FSTL4: variants seen among roughly 807,000 people sequenced by gnomAD.
FSTL4 encodes follistatin-related protein 4.
FSTL4 carries 28 observed loss-of-function variants against 78.2 expected under a neutral mutation model. That is an observed-to-expected ratio of 0.36 (90% confidence interval 0.27 to 0.49). The LOEUF (loss-of-function observed/expected upper bound fraction) is 0.49. FSTL4 is among the 20% of genes least tolerant of loss of function. The pLI is 0.98. For missense variants in FSTL4, 922 were observed against 1,084.9 expected, an observed-to-expected ratio of 0.85 and a Z score of 2.11; for synonymous variants, 422 against 440.5, an observed-to-expected ratio of 0.96 and a Z score of 0.53.
At chr5:133,357,753 C>G (rs1164817009) in intron 4 of FSTL4, among the ~76,000 whole-genome samples, 1 of 152,112 alleles carries the variant, frequency 6.6e-6, no homozygotes. Context: ...CTAGCACCCC[C>G]CACACCCCCT....
At chr5:133,787,810 C>A in the FSTL4 span, among the ~76,000 whole-genome samples, 1 of 152,128 alleles carries the variant, frequency 6.6e-6, no homozygotes, top group Admixed American at 6.5e-5. Context: ...CTGTCCTCCC[C>A]AGACCCTGCC....
chr5:133,642,426 A>G, the FSTL4 span, among the ~76,000 whole-genome samples: 1 of 152,060 alleles, frequency 6.6e-6, no homozygotes, highest in African/African-American at 2.4e-5. Context: ...TGTCCCTCCA[A>G]CACTTCTGTG....
chr5:133,568,693 G>A (rs538412207), intron 2 of FSTL4, among the ~76,000 whole-genome samples: 67 of 152,272 alleles, frequency 4.4e-4, no homozygotes, highest in Non-Finnish European at 7.2e-4. Context: ...GCCACAGAGC[G>A]TATTTTGCAC....
intron 3 of FSTL4, among the ~76,000 whole-genome samples, chr5:133,462,962 G>A (rs528155218): frequency 6.2e-4 from 94 of 152,330 alleles, no homozygotes; most frequent in African/African-American, 2.2e-3. Context: ...TGTGCTCCTG[G>A]AGTTCGCAAG....
chr5:133,240,188 A>G (rs992048879), intron 7 of FSTL4, among the ~76,000 whole-genome samples: 1 of 152,198 alleles, frequency 6.6e-6, no homozygotes, highest in African/African-American at 2.4e-5. Flanking sequence ...TCCGAGCATC[A>G]GAAGGAACAA....
chr5:133,827,541 CTT>C, the FSTL4 span, among the ~76,000 whole-genome samples: 2 of 152,052 alleles, frequency 1.3e-5, no homozygotes, highest in Non-Finnish European at 2.9e-5. Context: ...CAAATACTCT[CTT>C]ATATATCAGC....
chr5:133,405,939 G>C (rs1413378724), intron 3 of FSTL4, among the ~76,000 whole-genome samples: 1 of 152,232 alleles, frequency 6.6e-6, no homozygotes, highest in Non-Finnish European at 1.5e-5. Context: ...CTGAGCACCT[G>C]CTATGTGCCA....
At chr5:133,287,260 C>A (rs190128178) in intron 6 of FSTL4, among the ~76,000 whole-genome samples, 1 of 151,844 alleles carries the variant, frequency 6.6e-6, no homozygotes, top group Non-Finnish European at 1.5e-5. Flanking sequence ...TGGTGGCGGG[C>A]GCCTGTAGTC....
In FSTL4 at chr5:133,338,919, A is replaced by T. The variant is rs1298747388; in HGVS notation, c.410-22267T>A. Among the ~76,000 whole-genome samples, 1 of 152,040 alleles carries T rather than the reference A, an allele frequency of 6.6e-6. No homozygotes were observed. Among genetic ancestry groups the T allele is most frequent in the Non-Finnish European group, 1.5e-5 (1 of 67,996 alleles). On this transcript the variant is annotated intron_variant, in intron 4 of 15. Transcript: ENST00000265342. This position sits in a 1 kb window ranked among gnomAD's most constrained non-coding sequence, Gnocchi z 4.0. The stretch of plus-strand genomic sequence containing the variant: ...CACCTCTGCTGTAGTTCAGGAAGCC[A>T]TTAACACCCCCGGATGACCACTATG...
intron 3 of FSTL4, among the ~76,000 whole-genome samples, chr5:133,424,008 C>A (rs986376620): frequency 6.6e-6 from 1 of 152,158 alleles, no homozygotes; most frequent in East Asian, 1.9e-4. Context: ...GCTGTGTGCA[C>A]GAGGGCAAAG....
chr5:133,523,962 G>A (rs1759037000), intron 3 of FSTL4, among the ~76,000 whole-genome samples: 3 of 152,234 alleles, frequency 2.0e-5, no homozygotes, highest in Admixed American at 2.0e-4. Flanking sequence ...AGTCACAGGT[G>A]GGCAGGGAAG....
At chr5:133,392,382 G>A (rs570727271) in intron 4 of FSTL4, among the ~76,000 whole-genome samples, 2 of 152,278 alleles carry the variant, frequency 1.3e-5, no homozygotes, top group South Asian at 2.1e-4. Flanking sequence ...AGAGTCAGAG[G>A]GATGGGGGCT....
intron 4 of FSTL4, among the ~76,000 whole-genome samples, chr5:133,385,059 G>C (rs572238933): frequency 3.2e-4 from 48 of 152,170 alleles, no homozygotes; most frequent in Non-Finnish European, 6.0e-4. Flanking sequence ...CCGTTGTCGC[G>C]CTCCCCACCC....
the FSTL4 span, among the ~76,000 whole-genome samples, chr5:133,793,372 T>C: frequency 4.6e-5 from 7 of 152,270 alleles, no homozygotes; most frequent in East Asian, 7.7e-4. Context: ...CAAAGCACCA[T>C]GTGAGCAATG....
chr5:133,778,118 T>C, the FSTL4 span, among the ~76,000 whole-genome samples: 1 of 152,208 alleles, frequency 6.6e-6, no homozygotes, highest in African/African-American at 2.4e-5. Flanking sequence ...GGGTCACTGA[T>C]GTGCTGCCTA....
intron 3 of FSTL4, among the ~76,000 whole-genome samples, chr5:133,527,499 A>C (rs696818): frequency 0.25 from 20,960 of 83,144 alleles, 1,880 homozygotes; most frequent in African/African-American, 0.33. Context: ...ACACACACAC[A>C]CACCCATAAG....
the FSTL4 span, among the ~76,000 whole-genome samples, chr5:133,812,802 C>T: frequency 6.6e-6 from 1 of 152,244 alleles, no homozygotes; most frequent in Non-Finnish European, 1.5e-5. Flanking sequence ...TCGTCCACCA[C>T]TGCATCCCAG....
At chr5:133,502,545 G>C (rs1758521222) in intron 3 of FSTL4, among the ~76,000 whole-genome samples, 1 of 152,172 alleles carries the variant, frequency 6.6e-6, no homozygotes, top group Non-Finnish European at 1.5e-5. Context: ...GATCATGGGG[G>C]CAGAGTTCTC....
chr5:133,674,585 ATGTGTGTGTG>A, the FSTL4 span, among the ~76,000 whole-genome samples: 1 of 149,922 alleles, frequency 6.7e-6, no homozygotes. Context: ...AGACTTCCAT[ATGTGTGTGTG>A]TGTGTGTGTG....
Sources: gnomAD v4.1 joint callset for allele counts (sites outside exome capture counted in the v4.1 genomes callset) on GRCh38, gnomAD v4.1.1 for gene constraint, Gnocchi (gnomAD v3.1) non-coding constraint, MANE v1.5 for transcripts, NCBI Gene and HGNC (gene_info 2026-07-23, HGNC 2026-07-21) for gene names.